USP9X: variants seen among roughly 807,000 people sequenced by gnomAD.
USP9X encodes ubiquitin carboxyl-terminal hydrolase 9X.
A neutral mutation model predicts 190.3 loss-of-function variants in USP9X; 7 were observed. The ratio of observed to expected loss-of-function variants is 0.04; its 90% CI spans 0.02 to 0.07. USP9X has a LOEUF of 0.07. Among genes scored for constraint, USP9X ranks in the 10% least tolerant of loss-of-function variants. The pLI is 1.00. For missense variants in USP9X, 1,010 were observed against 1,916.9 expected (o/e 0.53, Z 8.83); for synonymous variants, 645 against 659.5 (o/e 0.98, Z 0.34).
intron 39 of USP9X, 74 bp from the exon 40 acceptor site, chrX:41,224,668 C>T (rs2063297576): frequency 2.2e-6 from 2 of 902,936 alleles, no homozygotes; most frequent in Non-Finnish European, 3.1e-6. Context: ...AGGCTATTTT[C>T]TATCGTGAAA....
At chrX:41,209,304 CCTAA>C (rs758670064) in intron 32 of USP9X, among the ~76,000 whole-genome samples, 4 of 111,480 alleles carry the variant, frequency 3.6e-5, no homozygotes, top group African/African-American at 6.5e-5. Context: ...AAATAATCTC[CCTAA>C]CTTGTGACTT....
intron 21 of USP9X, among the ~76,000 whole-genome samples, chrX:41,172,256 A>G (rs1046041805): frequency 3.6e-5 from 4 of 112,343 alleles, no homozygotes; most frequent in African/African-American, 1.3e-4. Context: ...CATTCAGTCT[A>G]CATGACTGCT....
intron 26 of USP9X, 38 bp from the exon 27 acceptor site, chrX:41,196,213 G>A (rs2062982814): frequency 8.4e-7 from 1 of 1,189,529 alleles, no homozygotes. Context: ...TTTTAAAATG[G>A]AAATAATGTA....
chrX:41,197,331 T>TGGC, intron 28 of USP9X, 33 bp from the exon 29 acceptor site: 1 of 486,762 alleles, frequency 2.1e-6, no homozygotes, highest in Non-Finnish European at 2.9e-6. Context: ...TTTGATTTCT[T>TGGC]CCCCCCCCCA....
chrX:41,114,066 C>T (rs1352062417), intron 1 of USP9X, among the ~76,000 whole-genome samples: 9 of 112,420 alleles, frequency 8.0e-5, no homozygotes, highest in African/African-American at 2.6e-4. Flanking sequence ...TGTAAGTATC[C>T]GATGAAAATA....
intron 44 of USP9X, among the ~76,000 whole-genome samples, chrX:41,232,040 C>G (rs1488986398): frequency 9.0e-6 from 1 of 111,599 alleles, no homozygotes; most frequent in Non-Finnish European, 1.9e-5. Context: ...GCTCATAGAT[C>G]ATTCTCTGAA....
chrX:41,151,040 A>G lies in USP9X; in HGVS notation c.1746A>G (p.Glu582=). Residue 582 remains glutamate, a synonymous_variant, in exon 13 of 45, where the codon GAA becomes GAG. Transcript: ENST00000378308. ...GAGAAATTTGTAGTTTGTTTGGTGA[A>G]GCGCCTCAAAATTTGAGGTAAGACT... The part of the protein sequence containing the change: ...QIREICSLFG[E]APQNLSQTQR... The G allele has an allele frequency of 2.5e-6, 3 of 1,201,504 alleles. No individual in the cohort carries two copies. The highest frequency in any genetic ancestry group is 3.4e-6 in the Non-Finnish European group (3 of 891,069).
intron 27 of USP9X, 67 bp downstream of exon 27, chrX:41,196,426 G>T: frequency 8.7e-7 from 1 of 1,152,489 alleles, no homozygotes; most frequent in South Asian, 1.9e-5. Flanking sequence ...TCAGAAATTT[G>T]TGGTTTTAGC....
Position 41,126,102 on chromosome X carries a change from T to G in USP9X, c.96+2378T>G, listed in dbSNP as rs1273952754. ...TTGTCCAGCTATTACAGATTAGATA[T>G]TCTATCGTAAGTAGTATAGAAAAGA... On this transcript the variant is annotated intron_variant, in intron 2 of 44. Coordinates refer to ENST00000378308, the MANE Select transcript of USP9X (RefSeq NM_001039591.3). Among the ~76,000 whole-genome samples, 5 of 112,053 alleles carry G rather than the reference T, an allele frequency of 4.5e-5. No individual in the cohort carries two copies. In the Admixed American group the frequency reaches 4.7e-4, roughly 11 times the overall value.
At chrX:41,225,189 G>A (rs917375992) in intron 41 of USP9X, 52 bp downstream of exon 41, 1 of 1,113,415 alleles carries the variant, frequency 9.0e-7, no homozygotes, top group African/African-American at 1.8e-5. Context: ...AGGTGTTAGA[G>A]TTAACTGAAA....
intron 1 of USP9X, among the ~76,000 whole-genome samples, chrX:41,116,053 T>C (rs1330358742): frequency 3.6e-5 from 4 of 112,120 alleles, no homozygotes; most frequent in African/African-American, 9.7e-5. Context: ...CTTAATGCAG[T>C]CCAGCCTTTA....
intron 12 of USP9X, among the ~76,000 whole-genome samples, chrX:41,149,624 T>C (rs911957132): frequency 2.7e-5 from 3 of 110,432 alleles, no homozygotes; most frequent in Non-Finnish European, 3.8e-5. Flanking sequence ...TTCTCGGAAA[T>C]AGTGAAAAAG....
chrX:41,225,780 TAACTTAAGCCTG>T (rs1172567480), intron 41 of USP9X, among the ~76,000 whole-genome samples: 2 of 113,098 alleles, frequency 1.8e-5, no homozygotes, highest in Non-Finnish European at 3.7e-5. Flanking sequence ...AACAGCTCTG[TAACTTAAGCCTG>T]AACTTAAGCT....
chrX:41,108,464 G>T (rs183769132), intron 1 of USP9X, among the ~76,000 whole-genome samples: 4 of 111,255 alleles, frequency 3.6e-5, no homozygotes, highest in Admixed American at 9.6e-5. Context: ...ACCCCAGGAA[G>T]GTTCTTAGCT....
chrX:41,189,366 G>C lies in USP9X; in HGVS notation c.3868G>C (p.Glu1290Gln). The part of the protein sequence containing the change: ...EDEQVCCEAL[E>Q]VMTLCFALIP... ...CGAACAGGTTTGCTGTGAAGCATTGGAAGTGATGACCTTATGTTTTGCCTT... is the reference window on the plus strand; with the variant it reads ...CGAACAGGTTTGCTGTGAAGCATTGCAAGTGATGACCTTATGTTTTGCCTT... The change falls in exon 26 of 45, where the codon GAA becomes CAA. Residue 1290 changes from glutamate (E) to glutamine (Q), a missense_variant. Coordinates refer to ENST00000378308, the MANE Select transcript of USP9X (RefSeq NM_001039591.3). 8.3e-7 allele frequency: 1 copy of C among 1,211,662 alleles called. No individual in the cohort carries two copies. Among genetic ancestry groups the C allele is most frequent in the African/African-American group, 1.7e-5 (1 of 57,947 alleles).
At chrX:41,125,680 A>ACTCTCTCT (rs1270231301) in intron 2 of USP9X, among the ~76,000 whole-genome samples, 97 of 26,601 alleles carry the variant, frequency 3.6e-3, no homozygotes, top group African/African-American at 0.01. Context: ...ACACACACAC[A>ACTCTCTCT]CACACTCTCT....
intron 3 of USP9X, among the ~76,000 whole-genome samples, chrX:41,130,850 C>G (rs762103347): frequency 4.9e-4 from 54 of 110,839 alleles, no homozygotes; most frequent in Admixed American, 1.1e-3. Context: ...CTCAGCCTCC[C>G]GAGTAGCTGA....
chrX:41,153,324 C>T (rs1414302029), intron 14 of USP9X, among the ~76,000 whole-genome samples: 1 of 111,568 alleles, frequency 9.0e-6, no homozygotes, highest in Non-Finnish European at 1.9e-5. Flanking sequence ...GCCTTTTTTA[C>T]GATTGATCGC....
At chrX:41,095,807 T>C (rs1018075199) in intron 1 of USP9X, among the ~76,000 whole-genome samples, 2 of 112,025 alleles carry the variant, frequency 1.8e-5, no homozygotes, top group Non-Finnish European at 3.8e-5. Flanking sequence ...ATAATTCTGA[T>C]GGCATTCGTG....
Sources: gnomAD v4.1 joint callset for allele counts (sites outside exome capture counted in the v4.1 genomes callset) on GRCh38, gnomAD v4.1.1 for gene constraint, MANE v1.5 for transcripts, NCBI Gene and HGNC (gene_info 2026-07-23, HGNC 2026-07-21) for gene names.